The following AGBL4 variants were observed in gnomAD, a reference collection of about 807,000 sequenced individuals.
The protein encoded by AGBL4 is AGBL carboxypeptidase 4, also known as cytosolic carboxypeptidase 6.
Under a neutral mutation model 66.4 loss-of-function variants are expected in AGBL4, and 58 were observed. That is an observed-to-expected ratio of 0.87 (90% CI 0.71 to 1.09). The LOEUF (loss-of-function observed/expected upper bound fraction) is 1.09. Ranked by LOEUF, AGBL4 falls within the 50% of genes least tolerant of loss-of-function variation. The pLI is 0.00. For synonymous variants in AGBL4, 234 were observed against 222.9 expected, an observed-to-expected ratio of 1.05 and a Z score of -0.44; for missense variants, 579 against 631.0, an observed-to-expected ratio of 0.92 and a Z score of 0.88.
At chr1:48,695,606 C>G (rs578075131) in intron 6 of AGBL4, among the ~76,000 whole-genome samples, 2 of 152,104 alleles carry the variant, frequency 1.3e-5, no homozygotes, top group African/African-American at 4.8e-5. Context: ...GAGTTTGGGA[C>G]AGCGGACCGG....
intron 3 of AGBL4, among the ~76,000 whole-genome samples, chr1:49,313,605 T>C (rs139407917): frequency 2.0e-5 from 3 of 152,324 alleles, no homozygotes; most frequent in Middle Eastern, 3.4e-3. Context: ...TGGTTTTGAT[T>C]TGCATTTCTC....
At position 49,552,467 on chromosome 1, in the gene AGBL4, C is replaced by T. The variant is rs1342472378; in HGVS notation, c.282+144846G>A. ...GCCTGCTTGGGGACCCAGCGAGCTC[C>T]CAGGGCCTTTCTGCTCCTCCTCTAT... On this transcript the variant is annotated intron_variant, in intron 3 of 13. Coordinates refer to ENST00000371839, the MANE Select transcript of AGBL4 (RefSeq NM_032785.4). Among the ~76,000 whole-genome samples the T allele has an allele frequency of 2.0e-5, 3 of 152,206 alleles. No individual in the cohort carries two copies. The East Asian group carries it at 5.8e-4, about 29-fold the overall frequency.
chr1:50,005,676 A>C (rs898500550), intron 1 of AGBL4, among the ~76,000 whole-genome samples: 1 of 152,228 alleles, frequency 6.6e-6, no homozygotes, highest in Non-Finnish European at 1.5e-5. Context: ...CCAGTGACCA[A>C]TTCTGGAGTC....
intron 3 of AGBL4, among the ~76,000 whole-genome samples, chr1:49,678,817 C>T (rs1165038511): frequency 6.6e-6 from 1 of 152,020 alleles, no homozygotes; most frequent in Non-Finnish European, 1.5e-5. Flanking sequence ...GATCAAAAAA[C>T]CCACTCTGTA....
rs761260427 is a variant in AGBL4 at position 48,634,502 on chromosome 1, G to A, written c.942C>T (p.Tyr314=). Residue 314 remains tyrosine, a synonymous_variant, in exon 9 of 14, where the codon TAC becomes TAT. Transcript: ENST00000371839. ...HGVKQLIVQM[Y]NDPKTSLEFY... ...GCATTCAGTTACTTACTGGGTCGTT[G>A]TACATCTGGACGATGAGTTGTTTCA... 1.3e-6 allele frequency: 2 copies of A among 1,598,732 alleles called. No homozygotes were observed. Among genetic ancestry groups the A allele is most frequent in the Non-Finnish European group, 1.7e-6 (2 of 1,172,030 alleles).
At chr1:48,909,773 A>C (rs1230276785) in intron 5 of AGBL4, among the ~76,000 whole-genome samples, 2 of 152,254 alleles carry the variant, frequency 1.3e-5, no homozygotes, top group Admixed American at 1.3e-4. Context: ...CTTTTAGTAC[A>C]TGTAACCACA....
chr1:49,171,906 A>T (rs1646745356), intron 4 of AGBL4, among the ~76,000 whole-genome samples: 1 of 152,208 alleles, frequency 6.6e-6, no homozygotes, highest in Non-Finnish European at 1.5e-5. Flanking sequence ...ATTGCATTTA[A>T]TCCTTATACC....
At chr1:49,065,287 G>C (rs1009983398) in intron 4 of AGBL4, among the ~76,000 whole-genome samples, 1 of 152,208 alleles carries the variant, frequency 6.6e-6, no homozygotes, top group Non-Finnish European at 1.5e-5. Flanking sequence ...GATCACAGGA[G>C]ACATAGGTGG....
rs558071567 is a variant in AGBL4, at chr1:49,483,650, A to G, written c.282+213663T>C. On this transcript the variant is annotated intron_variant, in intron 3 of 13. Coordinates refer to ENST00000371839, the MANE Select transcript of AGBL4 (RefSeq NM_032785.4). Reference sequence around the variant, plus strand: ...TACCTTAAACTATAAAACTACTACAAAACACATTGAGGAACCTCTCCAGGA... The same window carrying G: ...TACCTTAAACTATAAAACTACTACAGAACACATTGAGGAACCTCTCCAGGA... 5.7e-4 allele frequency among the ~76,000 whole-genome samples: 87 copies of G among 152,128 alleles called. 3 individuals carry two copies. The South Asian group carries it at 0.017, about 29-fold the overall frequency.
intron 3 of AGBL4, among the ~76,000 whole-genome samples, chr1:49,264,257 G>T (rs1226520052): frequency 6.6e-6 from 1 of 151,946 alleles, no homozygotes; most frequent in Non-Finnish European, 1.5e-5. Context: ...TCATTTTATT[G>T]AGTGCTTTTA....
At chr1:49,793,601 T>C (rs1490976953) in intron 2 of AGBL4, among the ~76,000 whole-genome samples, 2 of 151,918 alleles carry the variant, frequency 1.3e-5, no homozygotes, top group Admixed American at 6.6e-5. Context: ...CTCAACATAA[T>C]GATGGGGAAT....
At chr1:48,967,782 A>G (rs1249258005) in intron 5 of AGBL4, among the ~76,000 whole-genome samples, 1 of 152,150 alleles carries the variant, frequency 6.6e-6, no homozygotes, top group Admixed American at 6.6e-5. Context: ...AAGCAGTCAA[A>G]TTTAGCTGAA....
intron 3 of AGBL4, among the ~76,000 whole-genome samples, chr1:49,542,829 G>A (rs1652158234): frequency 6.7e-6 from 1 of 148,582 alleles, no homozygotes; most frequent in Non-Finnish European, 1.5e-5. Context: ...AACCTGGTAG[G>A]TGGAGCCTGC....
At chr1:49,455,950 C>G (rs1646379396) in intron 3 of AGBL4, among the ~76,000 whole-genome samples, 1 of 151,626 alleles carries the variant, frequency 6.6e-6, no homozygotes, top group Non-Finnish European at 1.5e-5. Flanking sequence ...CTTACTTTTT[C>G]TTTTCTTTGC....
intron 11 of AGBL4, among the ~76,000 whole-genome samples, chr1:48,576,116 G>C (rs1644650000): frequency 6.6e-6 from 1 of 152,198 alleles, no homozygotes; most frequent in African/African-American, 2.4e-5. Context: ...TGGCCTGTTA[G>C]GAATCAGGCT....
chr1:49,227,595 AAAG>A (rs1273685153), intron 4 of AGBL4, among the ~76,000 whole-genome samples: 4 of 152,214 alleles, frequency 2.6e-5, no homozygotes, highest in Non-Finnish European at 5.9e-5. Context: ...TCTGTACTAT[AAAG>A]AAGCCTTATG....
intron 1 of AGBL4, chr1:49,996,296 C>T (rs774016183): frequency 3.3e-5 from 5 of 152,036 alleles, no homozygotes; most frequent in Admixed American, 6.5e-5. Context: ...CAAATACCAA[C>T]TTAATGAAAT....
intron 1 of AGBL4, among the ~76,000 whole-genome samples, chr1:49,911,967 G>A (rs1650881377): frequency 6.6e-6 from 1 of 152,220 alleles, no homozygotes; most frequent in Non-Finnish European, 1.5e-5. Flanking sequence ...CCAGGAGTAT[G>A]AGATTCCCTG....
intron 6 of AGBL4, among the ~76,000 whole-genome samples, chr1:48,691,525 T>A (rs1646632233): frequency 6.6e-6 from 1 of 152,130 alleles, no homozygotes; most frequent in South Asian, 2.1e-4. Flanking sequence ...GCGTTAAGAA[T>A]GAGAATGTTC....
Sources: gnomAD v4.1 joint callset for allele counts (sites outside exome capture counted in the v4.1 genomes callset) on GRCh38, gnomAD v4.1.1 for gene constraint, MANE v1.5 for transcripts, NCBI Gene and HGNC (gene_info 2026-07-23, HGNC 2026-07-21) for gene names.